The following KCNN2 variants were observed in gnomAD, a reference collection of about 807,000 sequenced individuals.
KCNN2 encodes small conductance calcium-activated potassium channel protein 2.
In KCNN2, 24 loss-of-function variants were observed where a neutral mutation model predicts 55.5. That is an observed-to-expected ratio of 0.43 (90% CI 0.31 to 0.61). The LOEUF (loss-of-function observed/expected upper bound fraction) is 0.61, where lower values mean the gene tolerates loss of function less well. Among genes scored for constraint, KCNN2 ranks in the 20% least tolerant of loss-of-function variants. The pLI is 0.08. For synonymous variants in KCNN2, 431 were observed against 336.1 expected, an observed-to-expected ratio of 1.28 and a Z score of -3.09; for missense variants, 754 against 853.6, an observed-to-expected ratio of 0.88 and a Z score of 1.45.
At chr5:114,248,489 A>G (rs1310763695) in intron 2 of KCNN2, among the ~76,000 whole-genome samples, 1 of 151,362 alleles carries the variant, frequency 6.6e-6, no homozygotes, top group Non-Finnish European at 1.5e-5. Flanking sequence ...AAAGAGGCAG[A>G]GAGGATAATA....
At chr5:114,113,990 C>T (rs951913226) in intron 1 of KCNN2, among the ~76,000 whole-genome samples, 1 of 152,066 alleles carries the variant, frequency 6.6e-6, no homozygotes, top group Non-Finnish European at 1.5e-5. Flanking sequence ...TTTGGATCAC[C>T]TTCAGTATCA....
intron 2 of KCNN2, among the ~76,000 whole-genome samples, chr5:114,295,027 T>A (rs1755977124): frequency 6.6e-6 from 1 of 152,198 alleles, no homozygotes; most frequent in Admixed American, 6.5e-5. Flanking sequence ...ATTTGCTTGG[T>A]AGATCTTCCT....
chr5:114,264,833 C>A (rs1755177655), intron 2 of KCNN2, among the ~76,000 whole-genome samples: 1 of 152,200 alleles, frequency 6.6e-6, no homozygotes, highest in South Asian at 2.1e-4. Context: ...GGTTATATGA[C>A]CTTGCCTTCC....
intron 1 of KCNN2, among the ~76,000 whole-genome samples, chr5:114,072,752 T>G (rs1470182849): frequency 6.6e-6 from 1 of 152,204 alleles, no homozygotes; most frequent in East Asian, 1.9e-4. Context: ...CTTTTGGACT[T>G]GGGAATTTCT....
intron 4 of KCNN2, among the ~76,000 whole-genome samples, chr5:114,470,674 A>G (rs1438777570): frequency 6.6e-6 from 1 of 152,210 alleles, no homozygotes; most frequent in Non-Finnish European, 1.5e-5. Flanking sequence ...CAAAATATCA[A>G]AATAACATCA....
At chr5:114,058,264 G>A (rs1333171089) in intron 1 of KCNN2, among the ~76,000 whole-genome samples, 1 of 152,108 alleles carries the variant, frequency 6.6e-6, no homozygotes, top group Non-Finnish European at 1.5e-5. Flanking sequence ...GTGTATGTGT[G>A]TATGTCTGCA....
chr5:114,163,163 T>C (rs1481221160), intron 1 of KCNN2, among the ~76,000 whole-genome samples: 1 of 152,200 alleles, frequency 6.6e-6, no homozygotes, highest in Non-Finnish European at 1.5e-5. Context: ...AGTTGTTTCT[T>C]AAGCTGTTTG....
chr5:114,161,749 G>A (rs1049255376), intron 1 of KCNN2, among the ~76,000 whole-genome samples: 16 of 151,878 alleles, frequency 1.1e-4, no homozygotes, highest in East Asian at 7.7e-4. Context: ...CATTTCATTC[G>A]TTTTGTCTTC....
intron 3 of KCNN2, among the ~76,000 whole-genome samples, chr5:114,419,424 A>T (rs1035243272): frequency 6.6e-6 from 1 of 152,252 alleles, no homozygotes; most frequent in Non-Finnish European, 1.5e-5. Context: ...GCACAATGTG[A>T]TATTTTCAAT....
chr5:114,381,079 A>T (rs1287989712), intron 2 of KCNN2, among the ~76,000 whole-genome samples: 3 of 152,216 alleles, frequency 2.0e-5, no homozygotes, highest in Non-Finnish European at 4.4e-5. Flanking sequence ...CGAAAAGCTA[A>T]TTAAGAATGT....
chr5:114,411,108 A>G (rs898422916), intron 3 of KCNN2, among the ~76,000 whole-genome samples: 4 of 152,140 alleles, frequency 2.6e-5, no homozygotes, highest in Non-Finnish European at 2.9e-5. Flanking sequence ...AGGAATAGAG[A>G]CTTCAATTTC....
chr5:114,489,169 A>G (rs900661415), intron 6 of KCNN2: 2 of 152,316 alleles, frequency 1.3e-5, no homozygotes, highest in South Asian at 4.1e-4. Flanking sequence ...ATCTTGTAAT[A>G]TAAGACTCTT....
chr5:114,318,666 G>T (rs938892791), intron 2 of KCNN2, among the ~76,000 whole-genome samples: 5 of 151,490 alleles, frequency 3.3e-5, no homozygotes, highest in African/African-American at 1.2e-4. Context: ...ATTGTTCACA[G>T]GCTGGCAGGC....
intron 1 of KCNN2, among the ~76,000 whole-genome samples, chr5:114,113,023 T>G (rs1209672295): frequency 6.6e-6 from 1 of 152,080 alleles, no homozygotes; most frequent in East Asian, 1.9e-4. Context: ...AGGAATGCAC[T>G]TATTAAAGAT....
chr5:114,385,710 C>A (rs1391203881), intron 2 of KCNN2, among the ~76,000 whole-genome samples: 2 of 152,052 alleles, frequency 1.3e-5, no homozygotes, highest in East Asian at 3.9e-4. Flanking sequence ...TTTTCATGAC[C>A]CCAAAGGCTG....
intron 2 of KCNN2, among the ~76,000 whole-genome samples, chr5:114,343,382 T>C (rs1456942596): frequency 1.3e-5 from 2 of 152,162 alleles, no homozygotes; most frequent in African/African-American, 4.8e-5. Flanking sequence ...CTAATAAATA[T>C]TAAAGCATAA....
chr5:114,228,134 T>G (rs1754276696), intron 2 of KCNN2, among the ~76,000 whole-genome samples: 2 of 152,108 alleles, frequency 1.3e-5, no homozygotes, highest in South Asian at 4.1e-4. Flanking sequence ...ATAGATTTGG[T>G]GTTCAGGTAT....
chr5:114,215,278 TTTATC>T (rs1753979260), intron 1 of KCNN2, among the ~76,000 whole-genome samples: 1 of 152,146 alleles, frequency 6.6e-6, no homozygotes, highest in Admixed American at 6.6e-5. Flanking sequence ...CATAATCACT[TTTATC>T]TTTTCTGCCA....
chr5:114,353,060 T>A (rs751607390), intron 2 of KCNN2, among the ~76,000 whole-genome samples: 3 of 151,934 alleles, frequency 2.0e-5, no homozygotes, highest in Non-Finnish European at 4.4e-5. Flanking sequence ...TATCTTGGGA[T>A]TCTGTTTTTA....
Sources: allele counts gnomAD v4.1 joint callset (sites outside exome capture counted in the v4.1 genomes callset), GRCh38; gene constraint gnomAD v4.1.1; transcripts MANE v1.5; gene names NCBI Gene and HGNC (gene_info 2026-07-23, HGNC 2026-07-21).